ALG12: variants seen among roughly 807,000 people sequenced by gnomAD.
The protein encoded by ALG12 is ALG12 alpha-1,6-mannosyltransferase.
In ALG12, 36 loss-of-function variants were observed where a neutral mutation model predicts 46.0. That is an observed-to-expected ratio of 0.78 (90% CI 0.60 to 1.03). The LOEUF (loss-of-function observed/expected upper bound fraction) is 1.03, where lower values mean the gene tolerates loss of function less well. Among genes scored for constraint, ALG12 ranks in the 50% least tolerant of loss-of-function variants. The probability of loss-of-function intolerance (pLI) is 0.00; values close to 1 mark genes in which losing one functional copy is unlikely to be tolerated. For missense variants in ALG12, 599 were observed against 633.5 expected, an observed-to-expected ratio of 0.95 and a Z score of 0.58; for synonymous variants, 326 against 291.6, an observed-to-expected ratio of 1.12 and a Z score of -1.20.
At chr22:49,876,722 C>G in the ALG12 span, among the ~76,000 whole-genome samples, 1 of 152,106 alleles carries the variant, frequency 6.6e-6, no homozygotes, top group Non-Finnish European at 1.5e-5. Flanking sequence ...CATGAAATCT[C>G]TCGTTTTCAT....
chr22:49,868,588 A>G, the ALG12 span, among the ~76,000 whole-genome samples: 2 of 152,196 alleles, frequency 1.3e-5, no homozygotes, highest in East Asian at 3.9e-4. Context: ...TCCAACAAAA[A>G]AGAAAAATGA....
At chr22:49,861,395 G>T in the ALG12 span, among the ~76,000 whole-genome samples, 1 of 152,172 alleles carries the variant, frequency 6.6e-6, no homozygotes, top group Non-Finnish European at 1.5e-5. Flanking sequence ...GCCTGCCTCA[G>T]TCTCTCAAAG....
At chr22:49,892,137 G>A in the ALG12 span, among the ~76,000 whole-genome samples, 568 of 134,876 alleles carry the variant, frequency 4.2e-3, 13 homozygotes, top group Middle Eastern at 0.017. Context: ...GCAGTAAGCC[G>A]AGATCGTGCC....
At chr22:49,885,222 G>A in the ALG12 span, 2 of 1,613,184 alleles carry the variant, frequency 1.2e-6, no homozygotes, top group Non-Finnish European at 8.5e-7. Context: ...GTGCAAGTCT[G>A]GCAAACTCTC....
At chr22:49,880,115 T>G in the ALG12 span, among the ~76,000 whole-genome samples, 1 of 120,376 alleles carries the variant, frequency 8.3e-6, no homozygotes, top group Non-Finnish European at 1.9e-5. Flanking sequence ...ATAGACCGTT[T>G]CCTCCTCTTG....
the ALG12 span, chr22:49,886,048 G>C: frequency 1.5e-6 from 1 of 681,908 alleles, no homozygotes; most frequent in Non-Finnish European, 2.7e-6. The surrounding 1 kb of genome is among the most constrained non-coding windows in gnomAD (Gnocchi z 7.7). Context: ...GGAAGCGTGG[G>C]TGACCTCCAC....
chr22:49,867,994 A>T, the ALG12 span, among the ~76,000 whole-genome samples: 2 of 152,208 alleles, frequency 1.3e-5, no homozygotes, highest in African/African-American at 4.8e-5. Flanking sequence ...CTAGGAAAAG[A>T]TCAACATTCA....
chr22:49,897,277 G>C (rs2060487178), downstream of ALG12, among the ~76,000 whole-genome samples: 1 of 152,204 alleles, frequency 6.6e-6, no homozygotes, highest in Non-Finnish European at 1.5e-5. Context: ...GAATACACCT[G>C]CTATGAATAT....
At chr22:49,866,694 C>G in the ALG12 span, among the ~76,000 whole-genome samples, 1 of 152,152 alleles carries the variant, frequency 6.6e-6, no homozygotes, top group East Asian at 1.9e-4. Context: ...TTTTTCTGCT[C>G]TTTAGTTTTT....
At chr22:49,884,794 A>G in the ALG12 span, 1 of 1,609,094 alleles carries the variant, frequency 6.2e-7, no homozygotes, top group South Asian at 1.1e-5. Flanking sequence ...GTCTCCAGTA[A>G]AGCCGGTCAG....
downstream of ALG12, among the ~76,000 whole-genome samples, chr22:49,899,033 C>T (rs138260235): frequency 1.9e-3 from 290 of 152,178 alleles, no homozygotes; most frequent in African/African-American, 6.7e-3. Flanking sequence ...CTCACACCTG[C>T]GATTCCAGCA....
chr22:49,907,667 T>C (rs1446264453), intron 7 of ALG12, 54 bp downstream of exon 7: 3 of 1,563,448 alleles, frequency 1.9e-6, no homozygotes, highest in African/African-American at 1.4e-5. Context: ...AGTAAATCAG[T>C]GAACCTGTTT....
In ALG12 at chr22:49,901,220, T is replaced by G. The variant is rs1363802049; in HGVS notation, c.*2618A>C. 6.6e-6 allele frequency: 1 copy of G among 151,878 alleles called. No homozygotes were observed. Among genetic ancestry groups the G allele is most frequent in the Non-Finnish European group, 1.5e-5 (1 of 67,970 alleles). The allele number at this position is 151,878 out of a possible 1,614,324, so 9.4% of individuals were successfully genotyped here. A position where few individuals can be genotyped will look rare whatever the true frequency, so the allele number is the denominator to read the frequency against. On this transcript the variant is annotated 3_prime_UTR_variant, in exon 10 of 10. Transcript: ENST00000330817. ...CCAGTGAATACCTGAGACACACAGG[T>G]GGATGGATGGGGGAGGGAGCCCATG...
chr22:49,910,880 G>A (rs1259270630), intron 3 of ALG12, among the ~76,000 whole-genome samples: 2 of 152,150 alleles, frequency 1.3e-5, no homozygotes, highest in Non-Finnish European at 2.9e-5. Flanking sequence ...ACAACTTGGG[G>A]GTGCCACGAG....
At chr22:49,913,890 G>A (rs966072845) in intron 1 of ALG12, 47 bp from the exon 2 acceptor site, 13 of 1,302,184 alleles carry the variant, frequency 1.0e-5, no homozygotes, top group African/African-American at 2.9e-5. Flanking sequence ...TCACGCTTGC[G>A]CTCACGTTTG....
the ALG12 span, among the ~76,000 whole-genome samples, chr22:49,867,291 C>T: frequency 4.9e-4 from 75 of 152,290 alleles, 1 homozygote; most frequent in East Asian, 0.012. Flanking sequence ...AAATGCCCAA[C>T]GCGTATGTTA....
chr22:49,903,282 T>C lies in ALG12; in HGVS notation c.*556A>G, dbSNP rs1601817594. The C allele has an allele frequency of 2.2e-6, 1 of 454,374 alleles. No individual in the cohort carries two copies. The highest frequency in any genetic ancestry group is 4.4e-6 in the Non-Finnish European group (1 of 226,596). The allele number at this position is 454,374 out of a possible 1,614,324, so 28.1% of individuals were successfully genotyped here. Reference sequence around the variant, plus strand: ...TCTCATTCCTTTTTGAATGTGTTTATCTCCTAAGATTTTATCTGTGATGGA... The same window carrying C: ...TCTCATTCCTTTTTGAATGTGTTTACCTCCTAAGATTTTATCTGTGATGGA... On this transcript the variant is annotated 3_prime_UTR_variant, in exon 10 of 10. Coordinates refer to ENST00000330817, the MANE Select transcript of ALG12 (RefSeq NM_024105.4).
rs765700872 is a variant in ALG12 at position 49,904,380 on chromosome 22, G to A, written c.1119C>T (p.Gly373=). 2.2e-5 allele frequency: 35 copies of A among 1,614,038 alleles called. No individual in the cohort carries two copies. Among genetic ancestry groups the A allele is most frequent in the Admixed American group, 3.3e-5 (2 of 60,008 alleles). ...LYVSHFNYPG[G]VAMQRLHQLV... ...GCTGGTGCAGCCTCTGCATTGCGAC[G>A]CCACCTGGGTAGTTGAAATGGGACA... Residue 373 remains glycine (G), a synonymous_variant, in exon 8 of 10, where the codon GGC becomes GGT. Coordinates refer to ENST00000330817, the MANE Select transcript of ALG12 (RefSeq NM_024105.4).
chr22:49,881,416 C>T, the ALG12 span, among the ~76,000 whole-genome samples: 4 of 152,304 alleles, frequency 2.6e-5, no homozygotes, highest in African/African-American at 9.6e-5. Context: ...GAGATAGGAT[C>T]TCACTGTTGG....
Sources: allele counts gnomAD v4.1 joint callset (sites outside exome capture counted in the v4.1 genomes callset), GRCh38; gene constraint gnomAD v4.1.1; non-coding constraint Gnocchi (gnomAD v3.1); transcripts MANE v1.5; gene names NCBI Gene and HGNC (gene_info 2026-07-23, HGNC 2026-07-21).